CCDC146: variants seen among roughly 807,000 people sequenced by gnomAD.
CCDC146 encodes the protein coiled-coil domain containing 146, also known as coiled-coil domain-containing protein 146.
Under a neutral mutation model 119.3 loss-of-function variants are expected in CCDC146, and 92 were observed. That is an observed-to-expected ratio of 0.77 (90% CI 0.65 to 0.92). The LOEUF (loss-of-function observed/expected upper bound fraction) is 0.92, where lower values mean the gene tolerates loss of function less well. Among genes scored for constraint, CCDC146 ranks in the 40% least tolerant of loss-of-function variants. The pLI is 0.00. For missense variants in CCDC146, 1,000 were observed against 1,103.0 expected, an observed-to-expected ratio of 0.91 and a Z score of 1.32; for synonymous variants, 372 against 371.8, an observed-to-expected ratio of 1.00 and a Z score of -0.01.
At chr7:77,145,573 C>G (rs1042627544) in intron 1 of CCDC146, among the ~76,000 whole-genome samples, 4 of 151,596 alleles carry the variant, frequency 2.6e-5, no homozygotes, top group African/African-American at 9.8e-5. Flanking sequence ...AAATTTCCCT[C>G]TACACACTGC....
chr7:77,157,862 T>G (rs1047782975), intron 1 of CCDC146, among the ~76,000 whole-genome samples: 2 of 152,206 alleles, frequency 1.3e-5, no homozygotes, highest in Non-Finnish European at 2.9e-5. Context: ...TAACTTGTCT[T>G]GCTGCCAGTC....
intron 2 of CCDC146, among the ~76,000 whole-genome samples, chr7:77,204,818 T>A (rs1323018904): frequency 6.6e-6 from 1 of 152,116 alleles, no homozygotes; most frequent in Non-Finnish European, 1.5e-5. Context: ...TCCAGAGACT[T>A]AGGAAGTTTC....
chr7:77,154,373 T>A (rs1791149256), intron 1 of CCDC146, among the ~76,000 whole-genome samples: 1 of 152,080 alleles, frequency 6.6e-6, no homozygotes, highest in South Asian at 2.1e-4. Context: ...TTGTTTCATA[T>A]GTATACATGT....
intron 4 of CCDC146, among the ~76,000 whole-genome samples, chr7:77,245,763 A>C (rs900608380): frequency 6.6e-6 from 1 of 152,190 alleles, no homozygotes; most frequent in Non-Finnish European, 1.5e-5. Context: ...TGATCTTAGC[A>C]ACACATCTGG....
intron 1 of CCDC146, among the ~76,000 whole-genome samples, chr7:77,139,155 G>A (rs1443379982): frequency 2.0e-5 from 3 of 152,198 alleles, no homozygotes; most frequent in Non-Finnish European, 4.4e-5. Context: ...GACACATCCA[G>A]ATGATGGAAT....
At chr7:77,149,353 T>A (rs1584025856) in intron 1 of CCDC146, among the ~76,000 whole-genome samples, 1 of 152,184 alleles carries the variant, frequency 6.6e-6, no homozygotes, top group East Asian at 1.9e-4. Context: ...ACCGTCAGCT[T>A]TTTAAAAATA....
At chr7:77,164,026 A>AT (rs1331954317) in intron 1 of CCDC146, among the ~76,000 whole-genome samples, 5 of 150,582 alleles carry the variant, frequency 3.3e-5, no homozygotes, top group African/African-American at 4.9e-5. Flanking sequence ...TGCCTGGCTA[A>AT]TTTTTTTTGT....
intron 2 of CCDC146, among the ~76,000 whole-genome samples, chr7:77,169,478 C>G (rs1460561702): frequency 6.6e-6 from 1 of 152,268 alleles, no homozygotes; most frequent in East Asian, 1.9e-4. Context: ...GTGATACTTA[C>G]CCAGATCAAC....
rs34434670 is a variant in CCDC146 at position 77,217,329 on chromosome 7, T to TACAC, written c.157-19600_157-19597dup. 7.3e-3 allele frequency among the ~76,000 whole-genome samples: 1,095 copies of TACAC among 149,462 alleles called. 9 individuals are homozygous for TACAC. Among genetic ancestry groups the TACAC allele is most frequent in the African/African-American group, 0.025 (1,002 of 40,628 alleles). On this transcript the variant is annotated intron_variant, in intron 2 of 18. Transcript: ENST00000285871. ...TTTCAACCAGGTGAATGACATTTTCTACACACACACACACACACACATATG... is the reference window on the plus strand; with the variant it reads ...TTTCAACCAGGTGAATGACATTTTCTACACACACACACACACACACACACATATG...
At chr7:77,175,938 C>A (rs1012417255) in intron 2 of CCDC146, among the ~76,000 whole-genome samples, 2 of 151,040 alleles carry the variant, frequency 1.3e-5, no homozygotes, top group Non-Finnish European at 2.9e-5. Context: ...TAAATGTCAA[C>A]AAAAGGCATA....
intron 15 of CCDC146, 124 bp from the exon 16 acceptor site, chr7:77,286,672 CAG>C (rs1320189217): frequency 1.2e-6 from 1 of 842,326 alleles, no homozygotes; most frequent in Non-Finnish European, 1.9e-6. Flanking sequence ...GTTAAGAAAA[CAG>C]AGTTCTCTTC....
At chr7:77,187,530 C>A (rs2150421121) in intron 2 of CCDC146, among the ~76,000 whole-genome samples, 1 of 152,336 alleles carries the variant, frequency 6.6e-6, no homozygotes, top group South Asian at 2.1e-4. Flanking sequence ...GGCCTCAGCG[C>A]CACTCTCAGT....
chr7:77,139,109 G>A (rs565432462), intron 1 of CCDC146, among the ~76,000 whole-genome samples: 5 of 152,184 alleles, frequency 3.3e-5, no homozygotes, highest in Non-Finnish European at 7.3e-5. Flanking sequence ...AAGCAACCCA[G>A]ATGTCCTTCA....
intron 9 of CCDC146, among the ~76,000 whole-genome samples, chr7:77,271,662 C>G (rs1183076382): frequency 6.7e-6 from 1 of 150,190 alleles, no homozygotes; most frequent in Non-Finnish European, 1.5e-5. Context: ...CTACCAATGG[C>G]TTATCATGTC....
intron 1 of CCDC146, among the ~76,000 whole-genome samples, chr7:77,130,849 G>A (rs1790774646): frequency 6.7e-6 from 1 of 148,366 alleles, no homozygotes; most frequent in Admixed American, 6.7e-5. Flanking sequence ...CGCCCGTCTG[G>A]GCCTCCCAAA....
intron 2 of CCDC146, among the ~76,000 whole-genome samples, chr7:77,191,835 A>G (rs1791771410): frequency 6.6e-6 from 1 of 152,078 alleles, no homozygotes; most frequent in Admixed American, 6.5e-5. Flanking sequence ...GTGTGAACCC[A>G]GGAGGCGGAG....
intron 3 of CCDC146, 95 bp from the exon 4 acceptor site, chr7:77,241,596 G>A: frequency 1.0e-6 from 1 of 996,558 alleles, no homozygotes; most frequent in Non-Finnish European, 1.6e-6. Flanking sequence ...GTTGATCTGA[G>A]GAGTGGGGAG....
chr7:77,156,606 A>T (rs1486433604), intron 1 of CCDC146, among the ~76,000 whole-genome samples: 5 of 152,194 alleles, frequency 3.3e-5, no homozygotes, highest in African/African-American at 1.2e-4. Flanking sequence ...TCTATATCTT[A>T]AAAAATGTTT....
chr7:77,147,219 G>A (rs1791034974), intron 1 of CCDC146, among the ~76,000 whole-genome samples: 2 of 152,168 alleles, frequency 1.3e-5, no homozygotes, highest in African/African-American at 4.8e-5. Flanking sequence ...TGAAGCTTGT[G>A]CATTCATCAT....
Sources: gnomAD v4.1 joint callset for allele counts (sites outside exome capture counted in the v4.1 genomes callset) on GRCh38, gnomAD v4.1.1 for gene constraint, MANE v1.5 for transcripts, NCBI Gene and HGNC (gene_info 2026-07-23, HGNC 2026-07-21) for gene names.